The following NPAS3 variants were observed in gnomAD, a reference collection of about 807,000 sequenced individuals.
NPAS3 encodes the protein neuronal PAS domain protein 3, also known as neuronal PAS domain-containing protein 3.
NPAS3 carries 14 observed loss-of-function variants against 73.1 expected under a neutral mutation model. That is an observed-to-expected ratio of 0.19 (90% CI 0.13 to 0.30). NPAS3 has a LOEUF of 0.30. NPAS3 is among the 10% of genes least tolerant of loss of function. The pLI, the probability that NPAS3 is intolerant of heterozygous loss-of-function variation, is 1.00. For synonymous variants in NPAS3, 620 were observed against 541.5 expected (o/e 1.14, Z -2.01); for missense variants, 1,096 against 1,250.0 (o/e 0.88, Z 1.86).
intron 3 of NPAS3, among the ~76,000 whole-genome samples, chr14:33,324,394 T>G (rs1175697659): frequency 6.6e-6 from 1 of 152,192 alleles, no homozygotes; most frequent in Non-Finnish European, 1.5e-5. Context: ...AACAAAGTCT[T>G]ATAAAGCTGG....
At chr14:33,103,511 A>T (rs1434443940) in intron 2 of NPAS3, among the ~76,000 whole-genome samples, 1 of 152,186 alleles carries the variant, frequency 6.6e-6, no homozygotes, top group Non-Finnish European at 1.5e-5. Flanking sequence ...CCTAAGTACC[A>T]TTTATAGCGA....
At chr14:33,544,391 C>G (rs2054684158) in intron 4 of NPAS3, among the ~76,000 whole-genome samples, 1 of 152,036 alleles carries the variant, frequency 6.6e-6, no homozygotes, top group Admixed American at 6.6e-5. Context: ...TATTTAAGCC[C>G]AAATTCCCAA....
intron 3 of NPAS3, among the ~76,000 whole-genome samples, chr14:33,357,582 CT>C (rs2045395375): frequency 6.6e-6 from 1 of 152,236 alleles, no homozygotes; most frequent in Non-Finnish European, 1.5e-5. Flanking sequence ...CCGGCCTCTG[CT>C]TTTCACAACA....
At chr14:33,040,443 T>C (rs2040314253) in intron 1 of NPAS3, among the ~76,000 whole-genome samples, 1 of 152,190 alleles carries the variant, frequency 6.6e-6, no homozygotes. Flanking sequence ...GGGTACTTTA[T>C]ATAATAATTG....
rs570366380 is a variant in NPAS3 at position 33,313,997 on chromosome 14, T to G, written c.386-53189T>G. Among the ~76,000 whole-genome samples, 9 of 152,242 alleles carry G rather than the reference T, an allele frequency of 5.9e-5. No individual in the cohort carries two copies. The South Asian group carries it at 1.9e-3, about 32-fold the overall frequency. On this transcript the variant is annotated intron_variant, in intron 3 of 11. Coordinates refer to ENST00000356141, the Ensembl canonical transcript of NPAS3. ...ACATAGCCTAGGTATGGCATTTTTC[T>G]TCCTGTTGATTTATGTTATTTGGAT...
intron 4 of NPAS3, among the ~76,000 whole-genome samples, chr14:33,521,624 A>G (rs543145561): frequency 1.4e-4 from 22 of 152,076 alleles, no homozygotes; most frequent in South Asian, 4.1e-4. Context: ...TATTCGTAGC[A>G]TCGAAATCCC....
intron 4 of NPAS3, among the ~76,000 whole-genome samples, chr14:33,530,268 A>G (rs1256515314): frequency 6.6e-6 from 1 of 152,172 alleles, no homozygotes; most frequent in Non-Finnish European, 1.5e-5. Context: ...TGCAGAATTT[A>G]GTGTAAACAG....
chr14:33,398,942 G>A (rs954116537), intron 4 of NPAS3, among the ~76,000 whole-genome samples: 4 of 152,074 alleles, frequency 2.6e-5, no homozygotes, highest in South Asian at 2.1e-4. Context: ...GACAATAAAG[G>A]CCATGATTAC....
At chr14:33,784,572 T>C (rs932448903) in intron 9 of NPAS3, among the ~76,000 whole-genome samples, 5 of 152,032 alleles carry the variant, frequency 3.3e-5, no homozygotes, top group Admixed American at 1.3e-4. Flanking sequence ...AGGAGAGACA[T>C]AGAACACAAA....
intron 1 of NPAS3, among the ~76,000 whole-genome samples, chr14:33,026,519 G>A (rs1410735031): frequency 3.3e-5 from 5 of 151,002 alleles, no homozygotes; most frequent in Admixed American, 6.6e-5. Context: ...ACAACAATGT[G>A]CTAAGTGATT....
intron 4 of NPAS3, among the ~76,000 whole-genome samples, chr14:33,431,542 A>G (rs1334054924): frequency 6.6e-6 from 1 of 152,210 alleles, no homozygotes; most frequent in Non-Finnish European, 1.5e-5. Context: ...GCTGCATGAC[A>G]TAGAACAAAA....
chr14:33,377,924 T>C (rs762214848), intron 4 of NPAS3, among the ~76,000 whole-genome samples: 2 of 152,168 alleles, frequency 1.3e-5, no homozygotes, highest in Non-Finnish European at 2.9e-5. Flanking sequence ...TACTGAGATA[T>C]GGATAATGAG....
At position 33,692,323 on chromosome 14, in the gene NPAS3, A is replaced by G. The variant is rs75570891; in HGVS notation, c.733+15938A>G. On this transcript the variant is annotated intron_variant, in intron 6 of 11. Transcript: ENST00000356141. ...ATGGGTCTTGATGTGCCAGGTGATA[A>G]AAGAACATCTATTTTAGAAAAATGT... 1.9e-3 allele frequency among the ~76,000 whole-genome samples: 286 copies of G among 152,300 alleles called. 3 individuals are homozygous for G. In the East Asian group the frequency reaches 0.049, roughly 26 times the overall value.
intron 3 of NPAS3, among the ~76,000 whole-genome samples, chr14:33,276,065 G>T (rs1250807673): frequency 1.3e-5 from 2 of 152,084 alleles, no homozygotes; most frequent in Non-Finnish European, 2.9e-5. Context: ...GTTCTGAGAT[G>T]AACTGTGTCT....
chr14:33,558,346 C>T (rs973082314), intron 4 of NPAS3, among the ~76,000 whole-genome samples: 2 of 152,060 alleles, frequency 1.3e-5, no homozygotes, highest in African/African-American at 4.8e-5. Flanking sequence ...CTGCAACCTC[C>T]TCCTCCCGGG....
chr14:33,470,913 C>T (rs761179060), intron 4 of NPAS3, among the ~76,000 whole-genome samples: 18 of 143,930 alleles, frequency 1.3e-4, no homozygotes, highest in South Asian at 2.2e-4. Context: ...CAAGCTGATG[C>T]GGGATTTGTA....
chr14:33,201,263 G>A (rs904804611), intron 2 of NPAS3, among the ~76,000 whole-genome samples: 7 of 145,738 alleles, frequency 4.8e-5, no homozygotes, highest in Non-Finnish European at 1.1e-4. Flanking sequence ...AGAGGCAGCT[G>A]TATATAAAAT....
chr14:33,157,228 AC>A (rs2044679756), intron 2 of NPAS3, among the ~76,000 whole-genome samples: 2 of 152,252 alleles, frequency 1.3e-5, no homozygotes, highest in African/African-American at 4.8e-5. Flanking sequence ...GATTTTAGTT[AC>A]ATAAGGTTCA....
At chr14:33,335,530 G>C (rs2044186178) in intron 3 of NPAS3, among the ~76,000 whole-genome samples, 1 of 152,150 alleles carries the variant, frequency 6.6e-6, no homozygotes, top group Non-Finnish European at 1.5e-5. Flanking sequence ...AAGTGGCCTT[G>C]TCTCCCTCCA....
Sources: allele counts gnomAD v4.1 joint callset (sites outside exome capture counted in the v4.1 genomes callset), GRCh38; gene constraint gnomAD v4.1.1; transcripts MANE v1.5; gene names NCBI Gene and HGNC (gene_info 2026-07-23, HGNC 2026-07-21).